Variants in UGT1A6 observed in about 807,000 individuals in gnomAD.
UGT1A6 encodes UDP glucuronosyltransferase family 1 member A6, also known as UDP-glucuronosyltransferase 1A6.
In UGT1A6, 32 loss-of-function variants were observed where a neutral mutation model predicts 44.4. The ratio of observed to expected loss-of-function variants is 0.72; its 90% confidence interval spans 0.54 to 0.97. UGT1A6 has a LOEUF of 0.97. Ranked by LOEUF, UGT1A6 falls within the 50% of genes least tolerant of loss-of-function variation. The pLI, the probability that UGT1A6 is intolerant of heterozygous loss-of-function variation, is 0.00. For missense variants in UGT1A6, 685 were observed against 661.9 expected (o/e 1.03, Z -0.38); for synonymous variants, 238 against 248.5 (o/e 0.96, Z 0.40).
At position 233,721,338 on chromosome 2, in the gene UGT1A6, A is replaced by C. The variant is rs569629539; in HGVS notation, c.861+27473A>C. On this transcript the variant is annotated intron_variant, in intron 1 of 4. Transcript: ENST00000305139. Reference sequence around the variant, plus strand: ...TCTTTTCTTGTGGTTTTTCACTATGAATATATTCTTTAGACTGAACTGCAC... The same window carrying C: ...TCTTTTCTTGTGGTTTTTCACTATGCATATATTCTTTAGACTGAACTGCAC... Among the ~76,000 whole-genome samples, 10 of 152,226 alleles carry C rather than the reference A, an allele frequency of 6.6e-5. No homozygotes were observed. The South Asian group carries it at 1.9e-3, about 28-fold the overall frequency.
chr2:233,747,446 A>G (rs1037579291), intron 1 of UGT1A6: 7 of 1,608,790 alleles, frequency 4.4e-6, no homozygotes, highest in Admixed American at 3.3e-5. Flanking sequence ...TCACCCTGAC[A>G]ACCTATGCCA....
chr2:233,747,785 C>T, intron 1 of UGT1A6: 1 of 1,613,494 alleles, frequency 6.2e-7, no homozygotes, highest in Non-Finnish European at 8.5e-7. Context: ...CAAATCCTTC[C>T]TCCTATATTC....
chr2:233,758,873 T>C (rs944299191), intron 1 of UGT1A6, among the ~76,000 whole-genome samples: 1 of 152,218 alleles, frequency 6.6e-6, no homozygotes, highest in Non-Finnish European at 1.5e-5. Context: ...ACTTGCCCCA[T>C]AGTCCATGGT....
chr2:233,727,330 C>T (rs574704586), intron 1 of UGT1A6, among the ~76,000 whole-genome samples: 1 of 152,238 alleles, frequency 6.6e-6, no homozygotes, highest in East Asian at 1.9e-4. Flanking sequence ...ACCAGGAGCT[C>T]CTCCCTCCCC....
At chr2:233,713,439 C>T (rs28946886) in intron 1 of UGT1A6, 1 of 1,614,136 alleles carries the variant, frequency 6.2e-7, no homozygotes, top group Non-Finnish European at 8.5e-7. Context: ...TGATGTGGTT[C>T]TAACAGACCC....
At chr2:233,705,231 T>C (rs77358763) in intron 1 of UGT1A6, among the ~76,000 whole-genome samples, 5,756 of 152,326 alleles carry the variant, frequency 0.038, 132 homozygotes, top group Non-Finnish European at 0.058. Flanking sequence ...CAGTGCTTTT[T>C]TTCTGTATGA....
At chr2:233,765,830 A>G (rs929596) in intron 1 of UGT1A6, among the ~76,000 whole-genome samples, 48,017 of 151,854 alleles carry the variant, frequency 0.32, 7,975 homozygotes, top group African/African-American at 0.41. Flanking sequence ...GAAACAGGAA[A>G]ACTTTCCTTG....
intron 3 of UGT1A6, 118 bp from the exon 4 acceptor site, chr2:233,768,102 A>T (rs1036317794): frequency 6.3e-7 from 1 of 1,593,190 alleles, no homozygotes; most frequent in African/African-American, 1.3e-5. Context: ...TCTTCTGCAA[A>T]TTTCTGCAAG....
intron 1 of UGT1A6, among the ~76,000 whole-genome samples, chr2:233,744,652 A>G (rs754395729): frequency 1.6e-4 from 24 of 151,892 alleles, no homozygotes; most frequent in Non-Finnish European, 2.8e-4. Flanking sequence ...TCTGTATTCA[A>G]TCTACTGTGA....
At chr2:233,738,412 C>G (rs988923331) in intron 1 of UGT1A6, among the ~76,000 whole-genome samples, 2 of 152,164 alleles carry the variant, frequency 1.3e-5, no homozygotes, top group African/African-American at 2.4e-5. Flanking sequence ...GGGTAACAGG[C>G]AGAGGCTGGA....
intron 1 of UGT1A6, chr2:233,752,472 A>G (rs185071344): frequency 6.6e-5 from 10 of 152,356 alleles, no homozygotes; most frequent in Admixed American, 4.6e-4. Flanking sequence ...GGCCTCTAGC[A>G]GTGTTATGTT....
At chr2:233,719,012 G>T (rs763830494) in intron 1 of UGT1A6, 1 of 1,614,092 alleles carries the variant, frequency 6.2e-7, no homozygotes, top group African/African-American at 1.3e-5. Flanking sequence ...TCACCCCAGA[G>T]GTGAATATGC....
chr2:233,746,471 A>T (rs538596800), intron 1 of UGT1A6, among the ~76,000 whole-genome samples: 1 of 151,696 alleles, frequency 6.6e-6, no homozygotes, highest in Non-Finnish European at 1.5e-5. Flanking sequence ...GGGTTCCAGA[A>T]ACACTTTCCA....
At chr2:233,719,572 A>C in intron 1 of UGT1A6, 1 of 1,613,858 alleles carries the variant, frequency 6.2e-7, no homozygotes, top group South Asian at 1.1e-5. Flanking sequence ...CTTGTCAGCT[A>C]TGCATCCGTG....
At chr2:233,733,540 G>A (rs1459592747) in intron 1 of UGT1A6, among the ~76,000 whole-genome samples, 2 of 152,164 alleles carry the variant, frequency 1.3e-5, no homozygotes, top group Non-Finnish European at 2.9e-5. Flanking sequence ...TTTGTTGAAG[G>A]CCTTTTCTGC....
At chr2:233,743,728 A>G in intron 1 of UGT1A6, 1 of 1,367,282 alleles carries the variant, frequency 7.3e-7, no homozygotes, top group Non-Finnish European at 9.8e-7. Context: ...GGTCATAGAT[A>G]TCGCGTTTCT....
rs773195449 is a variant in UGT1A6, at chr2:233,767,876, C to T, written c.1021C>T (p.Pro341Ser). 2 of 1,614,178 alleles carry T rather than the reference C, an allele frequency of 1.2e-6. No homozygotes were observed. The highest frequency in any genetic ancestry group is 3.3e-5 in the Admixed American group (2 of 60,012). ...CCTGTGGCGGTACACTGGAACCCGACCATCGAATCTTGCGAACAACACGAT... is the reference window on the plus strand; with the variant it reads ...CCTGTGGCGGTACACTGGAACCCGATCATCGAATCTTGCGAACAACACGAT... The part of the protein sequence containing the change: ...TVLWRYTGTR[P>S]SNLANNTILV... Residue 341 changes from proline (P) to serine (S), a missense_variant, in exon 3 of 5, where the codon CCA (proline) becomes TCA (serine). By Grantham distance (74) the Pro-to-Ser change is moderately conservative. Coordinates refer to ENST00000305139, the MANE Select transcript of UGT1A6 (RefSeq NM_001072.4).
chr2:233,697,115 C>G (rs1237867700), intron 1 of UGT1A6, among the ~76,000 whole-genome samples: 1 of 151,998 alleles, frequency 6.6e-6, no homozygotes, highest in Non-Finnish European at 1.5e-5. Flanking sequence ...GAAGTATTCT[C>G]TCCTCTTCAT....
intron 1 of UGT1A6, chr2:233,754,551 G>A (rs1002351204): frequency 7.8e-6 from 3 of 386,102 alleles, no homozygotes; most frequent in African/African-American, 4.2e-5. Context: ...ATTACTTGGT[G>A]TCAATGGGGA....
Sources: allele counts gnomAD v4.1 joint callset (sites outside exome capture counted in the v4.1 genomes callset), GRCh38; gene constraint gnomAD v4.1.1; transcripts MANE v1.5; gene names NCBI Gene and HGNC (gene_info 2026-07-23, HGNC 2026-07-21).